Variants in PDE11A observed in about 807,000 individuals in gnomAD.
The protein encoded by PDE11A is dual 3',5'-cyclic-AMP and -GMP phosphodiesterase 11A.
A neutral mutation model predicts 100.5 loss-of-function variants in PDE11A; 100 were observed. The ratio of observed to expected loss-of-function variants is 1.00; its 90% CI spans 0.85 to 1.18. PDE11A has a LOEUF of 1.18. Among genes scored for constraint, PDE11A ranks in the 50% most tolerant of loss-of-function variants. PDE11A has a pLI of 0.00. For synonymous variants in PDE11A, 381 were observed against 420.8 expected (o/e 0.91, Z 1.16); for missense variants, 1,141 against 1,152.6 (o/e 0.99, Z 0.15).
At chr2:178,024,114 T>C (rs2086447116) in intron 1 of PDE11A, among the ~76,000 whole-genome samples, 1 of 151,976 alleles carries the variant, frequency 6.6e-6, no homozygotes, top group African/African-American at 2.4e-5. Context: ...AATTAGAGGG[T>C]CACTTAATAA....
At chr2:178,090,403 A>G (rs1183370767) in intron 2 of PDE11A, among the ~76,000 whole-genome samples, 1 of 152,208 alleles carries the variant, frequency 6.6e-6, no homozygotes, top group Non-Finnish European at 1.5e-5. Context: ...ATAAAGCAAC[A>G]CTGAACACAT....
intron 1 of PDE11A, among the ~76,000 whole-genome samples, chr2:178,029,643 T>C (rs2086520241): frequency 6.6e-6 from 1 of 151,796 alleles, no homozygotes; most frequent in African/African-American, 2.4e-5. Context: ...GAAAAAATAA[T>C]ACAAATAAGA....
In PDE11A at chr2:177,629,538, GTT is replaced by G. The variant is rs778718450; in HGVS notation, c.2669_2670del (p.Lys890ThrfsTer14). The G allele has an allele frequency of 6.8e-6, 11 of 1,613,852 alleles. No individual in the cohort carries two copies. Among genetic ancestry groups the G allele is most frequent in the South Asian group, 3.3e-5 (3 of 91,074 alleles). ...GCTACTGAATCTAGCATCGGCTTCA[GTT>G]TCACGTTGACCTTCACCAGTGCCTA... ...LYQALVKVNV[K>X]LKPMLDSVAT... On this transcript the variant is annotated frameshift_variant, in exon 20 of 20. Transcript: ENST00000286063. LOFTEE classifies it high-confidence loss of function.
intron 2 of PDE11A, among the ~76,000 whole-genome samples, chr2:177,942,406 A>ATG (rs374537024): frequency 1.5e-5 from 2 of 136,950 alleles, no homozygotes; most frequent in Non-Finnish European, 3.3e-5. Flanking sequence ...TTTTAAAATT[A>ATG]TTTTTTTTTT....
chr2:178,063,759 A>G (rs2105867444), intron 1 of PDE11A, among the ~76,000 whole-genome samples: 1 of 152,334 alleles, frequency 6.6e-6, no homozygotes, highest in Admixed American at 6.5e-5. Context: ...AGGTACCCTC[A>G]AAAGGGAGTT....
chr2:177,811,057 A>T (rs1459789125), intron 9 of PDE11A, among the ~76,000 whole-genome samples: 1 of 152,178 alleles, frequency 6.6e-6, no homozygotes, highest in Admixed American at 6.5e-5. Flanking sequence ...CTTCAGTATT[A>T]GGTAAGGCTT....
chr2:177,695,486 C>G (rs2081098213), intron 15 of PDE11A, among the ~76,000 whole-genome samples: 1 of 152,168 alleles, frequency 6.6e-6, no homozygotes, highest in Non-Finnish European at 1.5e-5. Flanking sequence ...TGTACTTCTA[C>G]TTGCTAAATC....
rs182175184 is a variant in PDE11A, at chr2:177,875,736, G to A, written c.1367+123C>T. The A allele has an allele frequency of 3.2e-4, 233 of 735,764 alleles. 3 individuals are homozygous for A. The East Asian group carries it at 5.9e-3, about 19-fold the overall frequency. 45.6% of individuals were successfully genotyped at this position (735,764 alleles called of 1,614,324 possible). A position where few individuals can be genotyped will look rare whatever the true frequency, so the allele number is the denominator to read the frequency against. On this transcript the variant is annotated intron_variant, in intron 5 of 19. Coordinates refer to ENST00000286063, the MANE Select transcript of PDE11A (RefSeq NM_016953.4). ...AATTTAAGCCCTGAAATACAGAAGA[G>A]TCACGATATTTGGTTGTGCTTGCTA... is the stretch of plus-strand genomic sequence containing the variant.
intron 6 of PDE11A, among the ~76,000 whole-genome samples, chr2:177,827,547 C>T (rs1239123478): frequency 6.6e-6 from 1 of 152,168 alleles, no homozygotes; most frequent in East Asian, 1.9e-4. Context: ...AAAATTCTCT[C>T]CATAACTACA....
intron 19 of PDE11A, among the ~76,000 whole-genome samples, chr2:177,657,669 G>A (rs1478616606): frequency 1.3e-5 from 2 of 151,892 alleles, no homozygotes; most frequent in Non-Finnish European, 2.9e-5. Context: ...GAAAGAGAGA[G>A]GGGAGAGAAA....
At chr2:178,042,586 G>A (rs1221458589) in intron 1 of PDE11A, among the ~76,000 whole-genome samples, 1 of 152,042 alleles carries the variant, frequency 6.6e-6, no homozygotes, top group Non-Finnish European at 1.5e-5. Flanking sequence ...CAACTTTAAA[G>A]AGTAAATGGC....
At chr2:177,753,451 A>T (rs1447533229) in intron 10 of PDE11A, among the ~76,000 whole-genome samples, 1 of 152,044 alleles carries the variant, frequency 6.6e-6, no homozygotes, top group Admixed American at 6.6e-5. Context: ...AAATTAGAGT[A>T]GACAGGTGGC....
At chr2:177,960,920 A>T (rs887436150) in intron 2 of PDE11A, among the ~76,000 whole-genome samples, 20 of 152,150 alleles carry the variant, frequency 1.3e-4, no homozygotes, top group African/African-American at 4.8e-4. Flanking sequence ...GTTGATGCAG[A>T]ACCACCGTCA....
At chr2:177,945,704 A>T (rs1574298370) in intron 2 of PDE11A, among the ~76,000 whole-genome samples, 1 of 150,062 alleles carries the variant, frequency 6.7e-6, no homozygotes, top group East Asian at 2.0e-4. Context: ...TCCGCCCGGC[A>T]GCCACCCCGT....
intron 2 of PDE11A, among the ~76,000 whole-genome samples, chr2:177,920,642 G>A (rs913450149): frequency 2.6e-5 from 4 of 151,790 alleles, no homozygotes; most frequent in Non-Finnish European, 1.5e-5. Flanking sequence ...AAAAAGTACA[G>A]GCCCTTTGTC....
At chr2:177,674,907 G>A (rs146595686) in intron 17 of PDE11A, among the ~76,000 whole-genome samples, 246 of 152,242 alleles carry the variant, frequency 1.6e-3, no homozygotes, top group African/African-American at 5.7e-3. Context: ...CAGTTGGGTA[G>A]TTACTTAAAT....
intron 9 of PDE11A, among the ~76,000 whole-genome samples, chr2:177,795,882 T>C (rs2082698320): frequency 6.8e-6 from 1 of 146,532 alleles, no homozygotes; most frequent in Non-Finnish European, 1.5e-5. Flanking sequence ...AGCAAAAGTC[T>C]CCCATGTTGT....
intron 10 of PDE11A, 123 bp downstream of exon 10, chr2:177,769,200 C>T: frequency 1.3e-6 from 1 of 745,920 alleles, no homozygotes; most frequent in Non-Finnish European, 2.5e-6. Flanking sequence ...TACACCTTTG[C>T]CCAGTGCTAG....
rs1246905227 is a variant in PDE11A, at chr2:177,947,011, TG to T, written c.1072-41825del. On this transcript the variant is annotated intron_variant, in intron 2 of 19. Coordinates refer to ENST00000286063, the MANE Select transcript of PDE11A (RefSeq NM_016953.4). ...CCAGCCGCCCCGTCCGGGAAGGAGG[TG>T]GGGGGGGTCAGCCCCCCGCCCGGCC... Among the ~76,000 whole-genome samples the T allele has an allele frequency of 6.0e-4, 26 of 43,140 alleles. No homozygotes were observed. The East Asian group carries it at 6.9e-3, about 11-fold the overall frequency. The allele number at this position is 43,140 out of a possible 152,430, so 28.3% of individuals were successfully genotyped here.
Sources: gnomAD v4.1 joint callset for allele counts (sites outside exome capture counted in the v4.1 genomes callset) on GRCh38, gnomAD v4.1.1 for gene constraint, MANE v1.5 for transcripts, NCBI Gene and HGNC (gene_info 2026-07-23, HGNC 2026-07-21) for gene names.